AKT3: variants seen among roughly 807,000 people sequenced by gnomAD.
AKT3 encodes the protein RAC-gamma serine/threonine-protein kinase.
AKT3 carries 15 observed loss-of-function variants against 65.3 expected under a neutral mutation model. The ratio of observed to expected loss-of-function variants is 0.23; its 90% CI spans 0.15 to 0.35. The LOEUF is 0.35. Among genes scored for constraint, AKT3 ranks in the 10% least tolerant of loss-of-function variants. The probability of loss-of-function intolerance (pLI) is 1.00; values close to 1 mark genes in which losing one functional copy is unlikely to be tolerated. For synonymous variants in AKT3, 206 were observed against 183.8 expected, an observed-to-expected ratio of 1.12 and a Z score of -0.98; for missense variants, 243 against 576.5, an observed-to-expected ratio of 0.42 and a Z score of 5.92.
chr1:243,676,972 C>T, intron 3 of AKT3, among the ~76,000 whole-genome samples: 1 of 152,162 alleles, frequency 6.6e-6, no homozygotes. Context: ...AAATATTTTC[C>T]TGTCTGCAGG....
At chr1:243,763,551 T>A (rs1689629157) in intron 2 of AKT3, among the ~76,000 whole-genome samples, 1 of 152,028 alleles carries the variant, frequency 6.6e-6, no homozygotes. Context: ...GGGGAAAATT[T>A]TGCAACAGAT....
At chr1:243,495,511 T>C (rs981444334), downstream of AKT3, among the ~76,000 whole-genome samples, 1 of 152,202 alleles carries the variant, frequency 6.6e-6, no homozygotes, top group Non-Finnish European at 1.5e-5. Context: ...TGCCCTGCGA[T>C]GGCCTTAACC....
intron 4 of AKT3, among the ~76,000 whole-genome samples, chr1:243,648,515 G>A (rs562776331): frequency 2.4e-4 from 36 of 152,118 alleles, no homozygotes; most frequent in Admixed American, 1.0e-3. Context: ...ATGTTCACAA[G>A]TGTATTGGGC....
chr1:243,720,136 T>C (rs1460741754), intron 2 of AKT3, among the ~76,000 whole-genome samples: 1 of 151,758 alleles, frequency 6.6e-6, no homozygotes, highest in Non-Finnish European at 1.5e-5. Flanking sequence ...CCATCTCTAC[T>C]AAAAATACAA....
intron 1 of AKT3, among the ~76,000 whole-genome samples, chr1:243,847,576 T>C (rs1284611704): frequency 1.3e-5 from 2 of 152,200 alleles, no homozygotes; most frequent in Non-Finnish European, 2.9e-5. Flanking sequence ...AAATTTCTGA[T>C]GTTTACATCA....
intron 2 of AKT3, among the ~76,000 whole-genome samples, chr1:243,812,320 T>C (rs1693215386): frequency 6.6e-6 from 1 of 151,750 alleles, no homozygotes; most frequent in South Asian, 2.1e-4. Context: ...TCAAACAAAT[T>C]TACAAGAAAA....
intron 2 of AKT3, among the ~76,000 whole-genome samples, chr1:243,700,366 T>C (rs1685367183): frequency 6.6e-6 from 1 of 152,226 alleles, no homozygotes; most frequent in African/African-American, 2.4e-5. Flanking sequence ...GCCACCTTTC[T>C]TACTTCACTT....
chr1:243,827,677 A>G (rs577483688), intron 2 of AKT3, among the ~76,000 whole-genome samples: 16 of 151,586 alleles, frequency 1.1e-4, no homozygotes, highest in Non-Finnish European at 2.4e-4. Context: ...GAGTGAGAGG[A>G]AAAAAATGTA....
intron 2 of AKT3, among the ~76,000 whole-genome samples, chr1:243,817,606 T>C (rs1444976939): frequency 1.3e-5 from 2 of 152,186 alleles, no homozygotes; most frequent in Non-Finnish European, 2.9e-5. Context: ...CCAGGCGTGG[T>C]GGCACATGCC....
chr1:243,745,648 C>A (rs756365666), intron 2 of AKT3, among the ~76,000 whole-genome samples: 9 of 152,106 alleles, frequency 5.9e-5, no homozygotes, highest in South Asian at 2.1e-4. Flanking sequence ...GCTTTGAATG[C>A]GCCTCAACAC....
intron 6 of AKT3, among the ~76,000 whole-genome samples, chr1:243,626,884 A>G (rs1679208614): frequency 6.6e-6 from 1 of 152,216 alleles, no homozygotes; most frequent in Admixed American, 6.5e-5. Flanking sequence ...AACTTCAGCT[A>G]CTATACTGCA....
At chr1:243,585,845 C>G (rs981050820) in intron 8 of AKT3, among the ~76,000 whole-genome samples, 1 of 152,096 alleles carries the variant, frequency 6.6e-6, no homozygotes, top group African/African-American at 2.4e-5. Context: ...AATTATATGA[C>G]TAAGTCCTCG....
intron 13 of AKT3, among the ~76,000 whole-genome samples, chr1:243,492,295 CTTTTTTTTTTTTT>C (rs33950392): frequency 1.6e-5 from 1 of 63,124 alleles, no homozygotes; most frequent in African/African-American, 6.7e-5. Flanking sequence ...CGTTTCTTGG[CTTTTTTTTTTTTT>C]TTTTTTTTTT....
intron 2 of AKT3, among the ~76,000 whole-genome samples, chr1:243,819,131 G>A (rs966916983): frequency 1.1e-4 from 17 of 152,184 alleles, no homozygotes; most frequent in African/African-American, 3.6e-4. Flanking sequence ...TAAGACTACC[G>A]AATTCCCAGG....
chr1:243,607,019 A>G (rs923805537), intron 8 of AKT3, among the ~76,000 whole-genome samples: 3 of 152,218 alleles, frequency 2.0e-5, no homozygotes, highest in African/African-American at 7.2e-5. Flanking sequence ...AAGGTTTGGG[A>G]ACCTCCACCT....
intron 2 of AKT3, among the ~76,000 whole-genome samples, chr1:243,744,218 A>T (rs1688334618): frequency 6.6e-6 from 1 of 152,242 alleles, no homozygotes; most frequent in Non-Finnish European, 1.5e-5. Context: ...ATATGATTTC[A>T]TACTCAAAAG....
Position 243,850,107 on chromosome 1 carries a change from G to C in AKT3, c.-180C>G. The stretch of plus-strand genomic sequence containing the variant: ...GGCGGCGGCGGAGGATGGAGCCGGG[G>C]GGGGGCGGGGGGAGGAGAGGGGGCG... On this transcript the variant is annotated 5_prime_UTR_variant, in exon 1 of 14. Coordinates refer to ENST00000673466, the MANE Select transcript of AKT3 (RefSeq NM_005465.7). 1 of 181,136 alleles carries C rather than the reference G, an allele frequency of 5.5e-6. No individual in the cohort carries two copies. The highest frequency in any genetic ancestry group is 1.1e-5 in the Non-Finnish European group (1 of 94,600). 11.2% of individuals were successfully genotyped at this position (181,136 alleles called of 1,614,324 possible). A position where few individuals can be genotyped will look rare whatever the true frequency, so the allele number is the denominator to read the frequency against.
At chr1:243,772,134 G>T (rs969874729) in intron 2 of AKT3, among the ~76,000 whole-genome samples, 8 of 152,172 alleles carry the variant, frequency 5.3e-5, no homozygotes, top group Non-Finnish European at 1.2e-4. Context: ...CATAGGCAAA[G>T]ACTTCATGTC....
At chr1:243,606,680 A>T (rs1012763538) in intron 8 of AKT3, among the ~76,000 whole-genome samples, 1 of 152,248 alleles carries the variant, frequency 6.6e-6, no homozygotes, top group African/African-American at 2.4e-5. Context: ...ATAAGTAACA[A>T]GGAGCCAGAT....
Sources: gnomAD v4.1 joint callset for allele counts (sites outside exome capture counted in the v4.1 genomes callset) on GRCh38, gnomAD v4.1.1 for gene constraint, MANE v1.5 for transcripts, NCBI Gene and HGNC (gene_info 2026-07-23, HGNC 2026-07-21) for gene names.